The following HYDIN variants were observed in gnomAD, a reference collection of about 807,000 sequenced individuals.
HYDIN encodes the protein HYDIN axonemal central pair apparatus protein.
In HYDIN, 132 loss-of-function variants were observed where a neutral mutation model predicts 403.9. The ratio of observed to expected loss-of-function variants is 0.33; its 90% CI spans 0.28 to 0.38. The LOEUF (loss-of-function observed/expected upper bound fraction) is 0.38, where lower values mean the gene tolerates loss of function less well. HYDIN is among the 10% of genes least tolerant of loss of function. The pLI is 1.00. For synonymous variants in HYDIN, 1,202 were observed against 1,891.7 expected (o/e 0.64, Z 9.46); for missense variants, 2,827 against 5,009.5 (o/e 0.56, Z 13.15).
intron 30 of HYDIN, among the ~76,000 whole-genome samples, chr16:70,976,502 T>A (rs1160188992): frequency 6.6e-6 from 1 of 151,004 alleles, no homozygotes; most frequent in Non-Finnish European, 1.5e-5. Flanking sequence ...GTGATAAAAT[T>A]GCACAGAACT....
intron 62 of HYDIN, among the ~76,000 whole-genome samples, chr16:70,875,720 T>C (rs1290277879): frequency 3.9e-5 from 6 of 152,372 alleles, no homozygotes; most frequent in Non-Finnish European, 7.3e-5. Context: ...AAATCCTAAA[T>C]GTTCCTGGTG....
chr16:70,984,703 C>T (rs1164231886), intron 28 of HYDIN, among the ~76,000 whole-genome samples: 4 of 132,998 alleles, frequency 3.0e-5, no homozygotes, highest in African/African-American at 9.9e-5. Flanking sequence ...CAATTATGTG[C>T]TATTTTCATA....
intron 29 of HYDIN, among the ~76,000 whole-genome samples, chr16:70,979,585 G>A (rs1265082347): frequency 1.3e-5 from 2 of 152,168 alleles, no homozygotes; most frequent in African/African-American, 2.4e-5. Context: ...TTACCACTAC[G>A]CCCGTGCAAA....
intron 5 of HYDIN, among the ~76,000 whole-genome samples, chr16:71,163,196 C>T (rs1179950535): frequency 7.4e-5 from 11 of 149,270 alleles, no homozygotes; most frequent in African/African-American, 2.5e-4. Flanking sequence ...AATCTCTGCT[C>T]ACTACAAGCT....
chr16:71,051,603 G>A (rs1240030795), intron 18 of HYDIN, among the ~76,000 whole-genome samples: 6 of 148,550 alleles, frequency 4.0e-5, no homozygotes, highest in Non-Finnish European at 7.4e-5. Context: ...CTGAGATCAC[G>A]CTACTGCACT....
At chr16:71,139,385 T>C (rs1421713908) in intron 7 of HYDIN, among the ~76,000 whole-genome samples, 1 of 152,112 alleles carries the variant, frequency 6.6e-6, no homozygotes, top group African/African-American at 2.4e-5. Context: ...CTCCATGTGT[T>C]GGAACCAGCA....
At chr16:71,114,461 T>A (rs1376188460) in intron 10 of HYDIN, among the ~76,000 whole-genome samples, 1 of 151,884 alleles carries the variant, frequency 6.6e-6, no homozygotes, top group African/African-American at 2.4e-5. Context: ...TCCAGGCTCA[T>A]CTTATTCTTT....
intron 83 of HYDIN, among the ~76,000 whole-genome samples, chr16:70,821,071 TTAA>T (rs1321739454): frequency 2.6e-5 from 4 of 150,952 alleles, no homozygotes; most frequent in African/African-American, 9.7e-5. Context: ...TACCTCACAC[TTAA>T]TAATAACCTT....
chr16:71,217,607 T>C (rs1264544685), intron 1 of HYDIN, among the ~76,000 whole-genome samples: 2 of 152,206 alleles, frequency 1.3e-5, no homozygotes, highest in African/African-American at 4.8e-5. Context: ...AAGTTGAACC[T>C]GACCTATGGA....
At chr16:70,976,436 G>C (rs1300142717) in intron 30 of HYDIN, among the ~76,000 whole-genome samples, 1 of 151,234 alleles carries the variant, frequency 6.6e-6, no homozygotes, top group Admixed American at 6.6e-5. Context: ...AGGAATCTTG[G>C]TGGTAATGGA....
intron 2 of HYDIN, among the ~76,000 whole-genome samples, chr16:71,185,921 GATTTAATCC>G (rs1411747910): frequency 6.6e-6 from 1 of 152,042 alleles, no homozygotes; most frequent in Non-Finnish European, 1.5e-5. Flanking sequence ...TTATTTCTGT[GATTTAATCC>G]ATTTAAATGA....
At chr16:71,152,190 G>A (rs1019022568) in intron 7 of HYDIN, among the ~76,000 whole-genome samples, 4 of 151,038 alleles carry the variant, frequency 2.6e-5, no homozygotes, top group African/African-American at 9.7e-5. Flanking sequence ...ACACCAGTTA[G>A]GGGGATTTCT....
intron 4 of HYDIN, among the ~76,000 whole-genome samples, chr16:71,178,432 A>ATATATATATATATATATATGTAT (rs1555501903): frequency 1.2e-5 from 1 of 80,780 alleles, no homozygotes; most frequent in Non-Finnish European, 2.5e-5. Context: ...AAAAAAAAAA[A>ATATATATATATATATATATGTAT]AAATATATAT....
chr16:70,982,000 C>T (rs959727868), intron 28 of HYDIN, among the ~76,000 whole-genome samples: 1 of 151,138 alleles, frequency 6.6e-6, no homozygotes, highest in African/African-American at 2.4e-5. Context: ...TGGTGGTGGG[C>T]ACCTGTAGTC....
intron 75 of HYDIN, among the ~76,000 whole-genome samples, chr16:70,845,926 CTTTCTTTT>C (rs1443308874): frequency 6.7e-6 from 1 of 149,000 alleles, no homozygotes; most frequent in Non-Finnish European, 1.5e-5. Flanking sequence ...TTTGATTCTT[CTTTCTTTT>C]TTTCTTTATT....
intron 1 of HYDIN, among the ~76,000 whole-genome samples, chr16:71,188,135 T>G (rs926068503): frequency 6.6e-6 from 1 of 152,186 alleles, no homozygotes; most frequent in African/African-American, 2.4e-5. Context: ...TTATTTTTTT[T>G]AAATACTTCT....
Position 71,186,874 on chromosome 16 carries a change from C to T in HYDIN, c.22G>A (p.Glu8Lys). 1 of 1,611,714 alleles carries T rather than the reference C, an allele frequency of 6.2e-7. No individual in the cohort carries two copies. The highest frequency in any genetic ancestry group is 8.5e-7 in the Non-Finnish European group (1 of 1,178,752). Reference protein sequence around the residue: MTSRRLEESMGAVQMGLV... With the variant: MTSRRLEKSMGAVQMGLV... ...CCCATCTGAACAGCCCCCATGGACTCCTCAAGTCTTCTACTTGTCATTTTT... is the reference window on the plus strand; with the variant it reads ...CCCATCTGAACAGCCCCCATGGACTTCTCAAGTCTTCTACTTGTCATTTTT... Residue 8 changes from glutamate to lysine, a missense_variant, in exon 2 of 86, where the codon GAG (glutamate) becomes AAG (lysine). By Grantham distance (56) the Glu-to-Lys change is moderately conservative. Coordinates refer to ENST00000393567, the MANE Select transcript of HYDIN (RefSeq NM_001270974.2).
chr16:70,871,258 A>G (rs1403426174), intron 65 of HYDIN, among the ~76,000 whole-genome samples: 1 of 152,038 alleles, frequency 6.6e-6, no homozygotes, highest in Non-Finnish European at 1.5e-5. Context: ...AATAGCGCTC[A>G]AAGATTTAAA....
At position 70,920,862 on chromosome 16, in the gene HYDIN, C is replaced by G. The variant is rs754226257; in HGVS notation, c.7514G>C (p.Arg2505Pro). Reference protein sequence around the residue: ...DDQRQVPLGGRRGRKDRERER... With the variant: ...DDQRQVPLGGPRGRKDRERER... Reference sequence around the variant, plus strand: ...TCTCTCCCGGTCCTTGCGGCCCCTGCGCCCACCCAAGGGGACCTGGCGCTG... The same window carrying G: ...TCTCTCCCGGTCCTTGCGGCCCCTGGGCCCACCCAAGGGGACCTGGCGCTG... Residue 2505 changes from arginine (R) to proline (P), a missense_variant, in exon 46 of 86, where the codon CGC becomes CCC. By Grantham distance (103) the Arg-to-Pro change is moderately radical. Coordinates refer to ENST00000393567, the MANE Select transcript of HYDIN (RefSeq NM_001270974.2). The G allele has an allele frequency of 1.2e-6, 2 of 1,601,404 alleles. No homozygotes were observed. The highest frequency in any genetic ancestry group is 1.7e-6 in the Non-Finnish European group (2 of 1,173,374).
Sources: allele counts gnomAD v4.1 joint callset (sites outside exome capture counted in the v4.1 genomes callset), GRCh38; gene constraint gnomAD v4.1.1; transcripts MANE v1.5; gene names NCBI Gene and HGNC (gene_info 2026-07-23, HGNC 2026-07-21).